The following ADAM12 variants were observed in gnomAD, a reference collection of about 807,000 sequenced individuals.
ADAM12 encodes ADAM metallopeptidase domain 12.
ADAM12 carries 70 observed loss-of-function variants against 106.4 expected under a neutral mutation model. The ratio of observed to expected loss-of-function variants is 0.66; its 90% confidence interval spans 0.54 to 0.80. The LOEUF (loss-of-function observed/expected upper bound fraction) is 0.80, where lower values mean the gene tolerates loss of function less well. Among genes scored for constraint, ADAM12 ranks in the 30% least tolerant of loss-of-function variants. ADAM12 has a pLI of 0.00. For synonymous variants in ADAM12, 420 were observed against 433.5 expected (o/e 0.97, Z 0.39); for missense variants, 1,010 against 1,171.9 (o/e 0.86, Z 2.02).
chr10:126,196,936 G>A (rs960483623), intron 3 of ADAM12, among the ~76,000 whole-genome samples: 1 of 152,174 alleles, frequency 6.6e-6, no homozygotes, highest in Non-Finnish European at 1.5e-5. Context: ...TGGGAGACTA[G>A]GGGACAAAGG....
rs1554966461 is a variant in ADAM12 at position 126,082,370 on chromosome 10, T to TTTTTTG, written c.1146-10717_1146-10716insCAAAAA. Among the ~76,000 whole-genome samples the TTTTTTG allele has an allele frequency of 4.9e-5, 7 of 142,992 alleles. 1 individual carries two copies. Among genetic ancestry groups the TTTTTTG allele is most frequent in the African/African-American group, 1.9e-4 (7 of 37,542 alleles). The allele number at this position is 142,992 out of a possible 152,430, so 93.8% of individuals were successfully genotyped here. ...GAAGACAATCTAATGACTGTTTTTT[T>TTTTTTG]TTTTTTTTTTTTTTTTTATGTGGAG... On this transcript the variant is annotated intron_variant, in intron 11 of 22. Coordinates refer to ENST00000448723, the MANE Select transcript of ADAM12 (RefSeq NM_001288973.2).
At chr10:126,242,521 GT>G (rs1268599261) in intron 3 of ADAM12, among the ~76,000 whole-genome samples, 1 of 152,156 alleles carries the variant, frequency 6.6e-6, no homozygotes, top group Non-Finnish European at 1.5e-5. Flanking sequence ...GTGTCTGAGG[GT>G]TACTTCCCTT....
At chr10:126,350,086 C>T (rs966757734) in intron 1 of ADAM12, among the ~76,000 whole-genome samples, 11 of 152,250 alleles carry the variant, frequency 7.2e-5, no homozygotes, top group African/African-American at 2.2e-4. Context: ...CACTGGCCGG[C>T]CAATGATATT....
rs1953671772 is a variant in ADAM12 at position 126,016,947 on chromosome 10, A to T, written c.*332T>A. On this transcript the variant is annotated 3_prime_UTR_variant, in exon 23 of 23. Coordinates refer to ENST00000448723, the MANE Select transcript of ADAM12 (RefSeq NM_001288973.2). ...CAGAAAGCAAACACATCCTGTCCAG[A>T]ATCCCATCAAGCAGGATATTTCAAG... 1 of 206,222 alleles carries T rather than the reference A, an allele frequency of 4.8e-6. No individual in the cohort carries two copies. Among genetic ancestry groups the T allele is most frequent in the African/African-American group, 2.3e-5 (1 of 43,226 alleles). 12.8% of individuals were successfully genotyped at this position (206,222 alleles called of 1,614,324 possible).
chr10:126,185,234 TATTGC>T (rs548489454), intron 3 of ADAM12, among the ~76,000 whole-genome samples: 1 of 152,380 alleles, frequency 6.6e-6, no homozygotes, highest in South Asian at 2.1e-4. Context: ...AAGACGTTGC[TATTGC>T]ATTGCATCTT....
At position 126,213,063 on chromosome 10, in the gene ADAM12, A is replaced by G. The variant is rs141566792; in HGVS notation, c.261-57758T>C. Among the ~76,000 whole-genome samples, 69 of 152,250 alleles carry G rather than the reference A, an allele frequency of 4.5e-4. 1 individual carries two copies. The highest frequency in any genetic ancestry group is 2.4e-3 in the Admixed American group (37 of 15,304). ...CTTCCAAGAGCTCTACAAGACTCAC[A>G]TTTGGTTCACAATTTCTTTCCTGTC... is the stretch of plus-strand genomic sequence containing the variant. On this transcript the variant is annotated intron_variant, in intron 3 of 22. Coordinates refer to ENST00000448723, the MANE Select transcript of ADAM12 (RefSeq NM_001288973.2).
chr10:126,296,609 C>T (rs1451699021), intron 2 of ADAM12, among the ~76,000 whole-genome samples: 1 of 152,130 alleles, frequency 6.6e-6, no homozygotes, highest in African/African-American at 2.4e-5. Context: ...GGAAGCATGT[C>T]ACAGACTTCT....
intron 3 of ADAM12, among the ~76,000 whole-genome samples, chr10:126,229,693 T>C (rs1958271795): frequency 1.4e-5 from 2 of 139,264 alleles, no homozygotes; most frequent in African/African-American, 2.7e-5. Context: ...TCCCGCCTCC[T>C]TCCCTACCTT....
In ADAM12 at chr10:126,032,668, T is replaced by G. The variant is rs542324626; in HGVS notation, c.2529+3478A>C. Among the ~76,000 whole-genome samples the G allele has an allele frequency of 5.9e-5, 9 of 152,292 alleles. No individual in the cohort carries two copies. The South Asian group carries it at 1.9e-3, about 32-fold the overall frequency. On this transcript the variant is annotated intron_variant, in intron 21 of 22. Transcript: ENST00000448723. ...GATGAGGGGTACATGGGAAAGGAGC[T>G]TCTCTGCTCTTTGGCTACCTGAAAT...
intron 11 of ADAM12, among the ~76,000 whole-genome samples, chr10:126,082,354 C>A (rs1182910739): frequency 7.8e-6 from 1 of 128,794 alleles, no homozygotes; most frequent in Non-Finnish European, 1.6e-5. Context: ...AGAAGACAAT[C>A]TAATGACTGT....
chr10:126,341,984 T>C (rs2133870311), intron 1 of ADAM12, among the ~76,000 whole-genome samples: 1 of 152,358 alleles, frequency 6.6e-6, no homozygotes, highest in South Asian at 2.1e-4. Flanking sequence ...AGTTTCTAGA[T>C]CTGAAACCTC....
chr10:126,349,982 G>A (rs1187097839), intron 1 of ADAM12, among the ~76,000 whole-genome samples: 1 of 152,184 alleles, frequency 6.6e-6, no homozygotes, highest in Non-Finnish European at 1.5e-5. Flanking sequence ...TTAGAGCCAA[G>A]AAGCCACATA....
chr10:126,306,842 T>C (rs1023689492), intron 2 of ADAM12, among the ~76,000 whole-genome samples: 1 of 152,204 alleles, frequency 6.6e-6, no homozygotes, highest in African/African-American at 2.4e-5. Context: ...TCAGATGAAG[T>C]TTTCTTTGCA....
chr10:126,320,651 A>G (rs956241416), intron 2 of ADAM12, among the ~76,000 whole-genome samples: 2 of 152,230 alleles, frequency 1.3e-5, no homozygotes, highest in African/African-American at 2.4e-5. Flanking sequence ...ACATAAAATT[A>G]TAAAGTGCAA....
At chr10:126,034,344 C>T (rs1954020720) in intron 21 of ADAM12, among the ~76,000 whole-genome samples, 1 of 151,914 alleles carries the variant, frequency 6.6e-6, no homozygotes, top group Non-Finnish European at 1.5e-5. Context: ...ATAGGAAAAC[C>T]CCACATAACA....
intron 3 of ADAM12, among the ~76,000 whole-genome samples, chr10:126,216,329 C>G (rs1590631901): frequency 6.6e-6 from 1 of 152,338 alleles, no homozygotes; most frequent in Non-Finnish European, 1.5e-5. Context: ...TTTCCTACAA[C>G]AGCAAAGCCC....
At chr10:126,039,637 T>C (rs1954124957) in intron 18 of ADAM12, among the ~76,000 whole-genome samples, 1 of 152,252 alleles carries the variant, frequency 6.6e-6, no homozygotes, top group African/African-American at 2.4e-5. Flanking sequence ...CTGACAACTC[T>C]AGAACTTGCT....
At chr10:126,163,833 T>C (rs1301780955) in intron 3 of ADAM12, among the ~76,000 whole-genome samples, 1 of 152,226 alleles carries the variant, frequency 6.6e-6, no homozygotes, top group Non-Finnish European at 1.5e-5. Context: ...GCACAATGCC[T>C]AGCATAGAAG....
chr10:126,079,223 G>GT (rs56324979), intron 11 of ADAM12, among the ~76,000 whole-genome samples: 2 of 152,024 alleles, frequency 1.3e-5, no homozygotes, highest in South Asian at 2.1e-4. Context: ...GTAATCCAAT[G>GT]TTTTTTTCCA....
Sources: gnomAD v4.1 joint callset for allele counts (sites outside exome capture counted in the v4.1 genomes callset) on GRCh38, gnomAD v4.1.1 for gene constraint, MANE v1.5 for transcripts, NCBI Gene and HGNC (gene_info 2026-07-23, HGNC 2026-07-21) for gene names.